HSF2BP: variants seen among roughly 807,000 people sequenced by gnomAD.
The protein encoded by HSF2BP is heat shock transcription factor 2 binding protein.
A neutral mutation model predicts 35.0 loss-of-function variants in HSF2BP; 35 were observed. The ratio of observed to expected loss-of-function variants is 1.00; its 90% CI spans 0.76 to 1.32. HSF2BP has a LOEUF of 1.32. Among genes scored for constraint, HSF2BP ranks in the 40% most tolerant of loss-of-function variants. The pLI is 0.00. For missense variants in HSF2BP, 326 were observed against 321.7 expected, an observed-to-expected ratio of 1.01 and a Z score of -0.10; for synonymous variants, 114 against 117.4, an observed-to-expected ratio of 0.97 and a Z score of 0.18.
the HSF2BP span, chr21:43,475,920 C>T: frequency 2.5e-5 from 2 of 80,064 alleles, 1 homozygote; most frequent in South Asian, 1.1e-3. Flanking sequence ...ACACACACCC[C>T]ATCATCTGGT....
At chr21:43,642,094 G>A (rs1341283391) in intron 4 of HSF2BP, among the ~76,000 whole-genome samples, 1 of 152,034 alleles carries the variant, frequency 6.6e-6, no homozygotes, top group Non-Finnish European at 1.5e-5. Flanking sequence ...CCCAGGAGTT[G>A]AAGACCAACT....
At chr21:43,588,720 A>T (rs1208918931) in intron 8 of HSF2BP, among the ~76,000 whole-genome samples, 1 of 152,212 alleles carries the variant, frequency 6.6e-6, no homozygotes, top group Non-Finnish European at 1.5e-5. Context: ...CACCACCAGC[A>T]TCCTCTCCCA....
chr21:43,640,667 A>G (rs2082623854), intron 4 of HSF2BP, among the ~76,000 whole-genome samples: 2 of 152,238 alleles, frequency 1.3e-5, no homozygotes, highest in African/African-American at 4.8e-5. Context: ...GTTACGCAAG[A>G]TATCACCACT....
intron 7 of HSF2BP, among the ~76,000 whole-genome samples, chr21:43,611,632 A>G (rs2082205801): frequency 6.6e-6 from 1 of 152,214 alleles, no homozygotes; most frequent in African/African-American, 2.4e-5. Flanking sequence ...GTGAGGCTCA[A>G]GGAGTGGGAA....
chr21:43,645,931 AC>A (rs1293886180), intron 3 of HSF2BP, among the ~76,000 whole-genome samples: 1 of 151,990 alleles, frequency 6.6e-6, no homozygotes, highest in African/African-American at 2.4e-5. Flanking sequence ...TTTTCTAGAG[AC>A]CCCGTCCTAG....
chr21:43,621,671 C>G (rs1404149528), intron 6 of HSF2BP, among the ~76,000 whole-genome samples: 1 of 152,070 alleles, frequency 6.6e-6, no homozygotes, highest in Non-Finnish European at 1.5e-5. Flanking sequence ...CTAATAAAGT[C>G]TTTCCCAAAC....
At chr21:43,605,020 C>T (rs1440957418) in intron 7 of HSF2BP, among the ~76,000 whole-genome samples, 1 of 149,276 alleles carries the variant, frequency 6.7e-6, no homozygotes, top group Non-Finnish European at 1.5e-5. Flanking sequence ...ACCACACACA[C>T]ATCACACACA....
intron 5 of HSF2BP, among the ~76,000 whole-genome samples, chr21:43,631,443 G>C (rs148329901): frequency 7.6e-4 from 115 of 152,036 alleles, no homozygotes; most frequent in Middle Eastern, 3.4e-3. Context: ...CCCTGCAGAG[G>C]GCCGAGCTCA....
chr21:43,580,056 C>T (rs1485921237), intron 8 of HSF2BP, among the ~76,000 whole-genome samples: 3 of 152,140 alleles, frequency 2.0e-5, no homozygotes, highest in African/African-American at 7.2e-5. Flanking sequence ...CCCTACATCC[C>T]TCTGCTCAGG....
the HSF2BP span, among the ~76,000 whole-genome samples, chr21:43,468,105 C>A: frequency 7.2e-6 from 1 of 138,446 alleles, no homozygotes; most frequent in Non-Finnish European, 1.5e-5. Flanking sequence ...CCACACACCA[C>A]AAACCACACA....
intron 8 of HSF2BP, among the ~76,000 whole-genome samples, chr21:43,589,855 A>C (rs2081904391): frequency 6.6e-6 from 1 of 152,228 alleles, no homozygotes; most frequent in African/African-American, 2.4e-5. Flanking sequence ...CAACAACAAC[A>C]AAAACTCTCA....
chr21:43,595,485 C>T (rs1449024521), intron 7 of HSF2BP, among the ~76,000 whole-genome samples: 1 of 151,780 alleles, frequency 6.6e-6, no homozygotes, highest in Non-Finnish European at 1.5e-5. Flanking sequence ...ATGGCAAGAC[C>T]CCGTCTCTGC....
At chr21:43,647,925 T>C (rs1406391138) in intron 3 of HSF2BP, among the ~76,000 whole-genome samples, 4 of 135,160 alleles carry the variant, frequency 3.0e-5, no homozygotes, top group Non-Finnish European at 6.3e-5. Flanking sequence ...CAAGACTTCA[T>C]CTCAAAAAAA....
intron 8 of HSF2BP, among the ~76,000 whole-genome samples, chr21:43,588,762 G>GT (rs2081889529): frequency 6.6e-6 from 1 of 152,132 alleles, no homozygotes; most frequent in Admixed American, 6.5e-5. Flanking sequence ...CTCACGGCCC[G>GT]TAACAACCAG....
intron 3 of HSF2BP, among the ~76,000 whole-genome samples, chr21:43,650,859 C>T (rs2082775716): frequency 6.6e-6 from 1 of 152,006 alleles, no homozygotes; most frequent in African/African-American, 2.4e-5. Flanking sequence ...AGGTACATGC[C>T]ATCACACCCG....
intron 2 of HSF2BP, among the ~76,000 whole-genome samples, chr21:43,657,662 T>C (rs1387584274): frequency 1.3e-5 from 2 of 152,216 alleles, no homozygotes; most frequent in South Asian, 2.1e-4. Flanking sequence ...TGCAATCAGT[T>C]ACAGTTATAA....
chr21:43,594,335 T>TG (rs1033438378), intron 7 of HSF2BP, among the ~76,000 whole-genome samples: 4 of 152,084 alleles, frequency 2.6e-5, no homozygotes, highest in African/African-American at 9.7e-5. Flanking sequence ...AAGTAAACAC[T>TG]GGGGGGTAAA....
At chr21:43,623,372 A>G (rs538684432) in intron 6 of HSF2BP, among the ~76,000 whole-genome samples, 1 of 152,326 alleles carries the variant, frequency 6.6e-6, no homozygotes, top group East Asian at 1.9e-4. Context: ...AATGACTCCA[A>G]ATAAACAATC....
intron 3 of HSF2BP, among the ~76,000 whole-genome samples, chr21:43,653,625 G>A (rs1568945652): frequency 1.3e-5 from 2 of 151,980 alleles, no homozygotes; most frequent in African/African-American, 4.8e-5. Flanking sequence ...AGTCTGGGTG[G>A]GGTTTTTAGG....
Sources: allele counts gnomAD v4.1 joint callset (sites outside exome capture counted in the v4.1 genomes callset), GRCh38; gene constraint gnomAD v4.1.1; transcripts MANE v1.5; gene names NCBI Gene and HGNC (gene_info 2026-07-23, HGNC 2026-07-21).